NCALD: variants seen among roughly 807,000 people sequenced by gnomAD.
NCALD encodes the protein neurocalcin delta, also known as neurocalcin-delta.
NCALD carries 10 observed loss-of-function variants against 18.6 expected under a neutral mutation model. The ratio of observed to expected loss-of-function variants is 0.54; its 90% confidence interval spans 0.33 to 0.91. The LOEUF (loss-of-function observed/expected upper bound fraction) is 0.91. Ranked by LOEUF, NCALD falls within the 40% of genes least tolerant of loss-of-function variation. The pLI is 0.03. For missense variants in NCALD, 184 were observed against 247.6 expected, an observed-to-expected ratio of 0.74 and a Z score of 1.72; for synonymous variants, 88 against 87.4, an observed-to-expected ratio of 1.01 and a Z score of -0.04.
At chr8:102,047,860 A>G (rs973108036) in intron 1 of NCALD, among the ~76,000 whole-genome samples, 1 of 152,220 alleles carries the variant, frequency 6.6e-6, no homozygotes, top group African/African-American at 2.4e-5. Flanking sequence ...GGTTGAGATC[A>G]AGAGGTTTGG....
chr8:101,810,445 T>C (rs1464922373), intron 4 of NCALD, among the ~76,000 whole-genome samples: 1 of 152,194 alleles, frequency 6.6e-6, no homozygotes, highest in Admixed American at 6.5e-5. Flanking sequence ...TTACCCTAAG[T>C]TATGCTTTCT....
intron 2 of NCALD, among the ~76,000 whole-genome samples, chr8:101,940,424 G>A (rs1173185827): frequency 3.9e-5 from 6 of 152,174 alleles, no homozygotes; most frequent in African/African-American, 1.4e-4. Flanking sequence ...GGAAGCAAAA[G>A]AGGAGTCCAT....
intron 1 of NCALD, among the ~76,000 whole-genome samples, chr8:102,054,714 A>ATAGG (rs1367198761): frequency 3.9e-4 from 42 of 108,912 alleles, no homozygotes; most frequent in Admixed American, 1.3e-3. Flanking sequence ...AGATAGATAG[A>ATAGG]TAGATATCCT....
At chr8:101,946,117 G>A (rs746814172) in intron 2 of NCALD, among the ~76,000 whole-genome samples, 21 of 152,030 alleles carry the variant, frequency 1.4e-4, no homozygotes, top group Non-Finnish European at 2.5e-4. Flanking sequence ...GCAAAGCTCC[G>A]TCTTCAGTTT....
chr8:101,922,775 A>G (rs1302613001), intron 2 of NCALD, among the ~76,000 whole-genome samples: 1 of 152,198 alleles, frequency 6.6e-6, no homozygotes, highest in African/African-American at 2.4e-5. Context: ...TATGTTTTCT[A>G]TATATACTAT....
chr8:102,084,023 T>C (rs1318783307), intron 1 of NCALD, among the ~76,000 whole-genome samples: 1 of 152,226 alleles, frequency 6.6e-6, no homozygotes, highest in East Asian at 1.9e-4. Flanking sequence ...GAGGATTAAA[T>C]GAATAATTAT....
intron 1 of NCALD, among the ~76,000 whole-genome samples, chr8:102,076,260 G>C (rs1824345542): frequency 6.6e-6 from 1 of 152,080 alleles, no homozygotes; most frequent in African/African-American, 2.4e-5. Flanking sequence ...TTTTTAAAAT[G>C]TTTGTAAAAT....
chr8:101,842,602 C>A (rs984734445), intron 4 of NCALD, among the ~76,000 whole-genome samples: 1 of 152,202 alleles, frequency 6.6e-6, no homozygotes, highest in African/African-American at 2.4e-5. Flanking sequence ...GCTATTGCAG[C>A]CTTAAGGCAG....
At chr8:102,086,195 A>T (rs1376896523) in intron 1 of NCALD, among the ~76,000 whole-genome samples, 1 of 152,244 alleles carries the variant, frequency 6.6e-6, no homozygotes, top group African/African-American at 2.4e-5. Context: ...ATCTGAGTGC[A>T]CAAGACTGTA....
At chr8:101,975,689 T>G (rs1221162029) in intron 2 of NCALD, among the ~76,000 whole-genome samples, 1 of 152,218 alleles carries the variant, frequency 6.6e-6, no homozygotes, top group Admixed American at 6.5e-5. Context: ...TTCTCCTCCT[T>G]GGGACAGTGC....
At chr8:101,804,494 AATATAATTAAT>A (rs1813003753) in intron 4 of NCALD, among the ~76,000 whole-genome samples, 1 of 111,666 alleles carries the variant, frequency 9.0e-6, no homozygotes, top group African/African-American at 6.3e-5. Flanking sequence ...ATATATAATT[AATATAATTAAT>A]TATATAATAT....
intron 2 of NCALD, among the ~76,000 whole-genome samples, chr8:102,008,320 G>A (rs761784785): frequency 1.2e-4 from 18 of 152,022 alleles, no homozygotes; most frequent in Non-Finnish European, 2.5e-4. Context: ...CATCATGACT[G>A]AGCAACCCTT....
intron 2 of NCALD, among the ~76,000 whole-genome samples, chr8:101,708,310 G>C (rs1425174397): frequency 6.6e-6 from 1 of 152,240 alleles, no homozygotes; most frequent in African/African-American, 2.4e-5. Flanking sequence ...AGGTAGAGAA[G>C]CTAGGGGTCC....
chr8:101,837,410 G>A (rs566468399), intron 4 of NCALD, among the ~76,000 whole-genome samples: 59 of 149,298 alleles, frequency 4.0e-4, no homozygotes, highest in South Asian at 1.1e-3. Context: ...ATTTAATTCC[G>A]TTATTTACAA....
chr8:101,743,122 A>G (rs1220107937), intron 1 of NCALD, among the ~76,000 whole-genome samples: 1 of 152,210 alleles, frequency 6.6e-6, no homozygotes, highest in Admixed American at 6.5e-5. Context: ...GAAAAATTAG[A>G]ATGAATATCA....
At chr8:102,003,245 T>C (rs1181980387) in intron 2 of NCALD, among the ~76,000 whole-genome samples, 6 of 152,240 alleles carry the variant, frequency 3.9e-5, no homozygotes, top group Admixed American at 3.3e-4. Flanking sequence ...GAGAATACTA[T>C]AAACACCTCT....
chr8:101,920,058 A>C (rs1818110278), intron 2 of NCALD, among the ~76,000 whole-genome samples: 1 of 152,082 alleles, frequency 6.6e-6, no homozygotes, highest in African/African-American at 2.4e-5. Context: ...GGAATTCAAG[A>C]CCAGCCTGAA....
chr8:101,863,665 A>G (rs1815638892), intron 4 of NCALD, among the ~76,000 whole-genome samples: 1 of 152,208 alleles, frequency 6.6e-6, no homozygotes, highest in African/African-American at 2.4e-5. Flanking sequence ...TATTAATATC[A>G]TATCAGGTAA....
At chr8:101,745,048 G>T (rs75612378) in intron 1 of NCALD, among the ~76,000 whole-genome samples, 2 of 149,200 alleles carry the variant, frequency 1.3e-5, no homozygotes, top group Non-Finnish European at 3.0e-5. Flanking sequence ...GGGGTAGGGT[G>T]GGGGGGACTA....
Sources: gnomAD v4.1 joint callset for allele counts (sites outside exome capture counted in the v4.1 genomes callset) on GRCh38, gnomAD v4.1.1 for gene constraint, MANE v1.5 for transcripts, NCBI Gene and HGNC (gene_info 2026-07-23, HGNC 2026-07-21) for gene names.